Variants in DPY19L4 observed in about 807,000 individuals in gnomAD.
DPY19L4 encodes dpy-19 like 4, also known as probable C-mannosyltransferase DPY19L4.
A neutral mutation model predicts 102.8 loss-of-function variants in DPY19L4; 97 were observed. That is an observed-to-expected ratio of 0.94 (90% confidence interval 0.80 to 1.12). DPY19L4 has a LOEUF of 1.12. Ranked by LOEUF, DPY19L4 falls within the 50% of genes most tolerant of loss-of-function variation. The pLI is 0.00. For missense variants in DPY19L4, 815 were observed against 850.4 expected, an observed-to-expected ratio of 0.96 and a Z score of 0.52; for synonymous variants, 252 against 283.1, an observed-to-expected ratio of 0.89 and a Z score of 1.10.
In DPY19L4 at chr8:94,770,435, A is replaced by G. The variant is rs1812873838; in HGVS notation, c.1335-17A>G. On this transcript the variant is annotated splice_polypyrimidine_tract_variant and intron_variant, in intron 12 of 18. Transcript: ENST00000414645. The stretch of plus-strand genomic sequence containing the variant: ...ATACATTTTCAAAGTATTAAAAAAT[A>G]CATTTTCTTTTTGTAGTGGTAAGTC... 11 of 1,594,338 alleles carry G rather than the reference A, an allele frequency of 6.9e-6. No homozygotes were observed. The highest frequency in any genetic ancestry group is 3.3e-4 in the Middle Eastern group (2 of 5,978).
chr8:94,728,162 A>G (rs35400084), intron 2 of DPY19L4, among the ~76,000 whole-genome samples: 1 of 152,092 alleles, frequency 6.6e-6, no homozygotes, highest in Non-Finnish European at 1.5e-5. Flanking sequence ...GGGTTTCACC[A>G]TGTTGGCCAG....
At chr8:94,764,770 C>G (rs1812593135) in intron 8 of DPY19L4, among the ~76,000 whole-genome samples, 1 of 121,082 alleles carries the variant, frequency 8.3e-6, no homozygotes, top group Non-Finnish European at 1.6e-5. Flanking sequence ...TGTGCTGTTG[C>G]CCAGGCTGGA....
intron 7 of DPY19L4, among the ~76,000 whole-genome samples, chr8:94,759,195 T>C (rs1259884403): frequency 6.6e-6 from 1 of 152,202 alleles, no homozygotes; most frequent in Non-Finnish European, 1.5e-5. Flanking sequence ...GGTTTGCCAC[T>C]GCTGGCTGGG....
rs574692817 is a variant in DPY19L4 at position 94,773,217 on chromosome 8, A to G, written c.1454+2646A>G. On this transcript the variant is annotated intron_variant, in intron 13 of 18. Transcript: ENST00000414645. Reference sequence around the variant, plus strand: ...CAACAGGGTGAGACTCCGTATCAAAAAAAAAAAAAAAAAAGGCAATATATG... The same window carrying G: ...CAACAGGGTGAGACTCCGTATCAAAGAAAAAAAAAAAAAAGGCAATATATG... Among the ~76,000 whole-genome samples the G allele has an allele frequency of 2.9e-3, 431 of 151,172 alleles. 5 individuals are homozygous for G. The highest frequency in any genetic ancestry group is 0.02 in the Admixed American group (297 of 15,192).
intron 8 of DPY19L4, among the ~76,000 whole-genome samples, 191 bp downstream of exon 8, chr8:94,762,025 G>A (rs1035607985): frequency 6.6e-5 from 10 of 152,184 alleles, no homozygotes; most frequent in African/African-American, 1.4e-4. Context: ...CTTGCTAAAC[G>A]AAAGGGTGAT....
chr8:94,773,077 G>T (rs1812999690), intron 13 of DPY19L4, among the ~76,000 whole-genome samples: 1 of 151,920 alleles, frequency 6.6e-6, no homozygotes, highest in African/African-American at 2.4e-5. Flanking sequence ...AGCTGGGTGT[G>T]GTGGCAGGCA....
intron 1 of DPY19L4, among the ~76,000 whole-genome samples, chr8:94,725,658 T>C (rs1282483253): frequency 6.6e-6 from 1 of 152,072 alleles, no homozygotes; most frequent in Non-Finnish European, 1.5e-5. Context: ...TTTTTTGAGA[T>C]AGAGTCTCGC....
chr8:94,764,757 T>C (rs1453860898), intron 8 of DPY19L4, among the ~76,000 whole-genome samples: 1 of 125,992 alleles, frequency 7.9e-6, no homozygotes, highest in African/African-American at 3.1e-5. Flanking sequence ...TGAGACAGAG[T>C]CTTGTGCTGT....
intron 2 of DPY19L4, among the ~76,000 whole-genome samples, chr8:94,729,130 G>A (rs911663188): frequency 5.3e-5 from 8 of 152,124 alleles, no homozygotes; most frequent in Non-Finnish European, 1.2e-4. Context: ...CAGCACTTTG[G>A]GAGGACGAGG....
intron 6 of DPY19L4, among the ~76,000 whole-genome samples, chr8:94,751,709 C>G (rs770531844): frequency 7.2e-5 from 11 of 152,118 alleles, no homozygotes; most frequent in Middle Eastern, 3.4e-3. Flanking sequence ...AGGCTGATCT[C>G]GAACTCCTGG....
At chr8:94,734,779 A>G (rs1312460504) in intron 3 of DPY19L4, 25 bp downstream of exon 3, 1 of 1,612,542 alleles carries the variant, frequency 6.2e-7, no homozygotes, top group Admixed American at 1.7e-5. Context: ...TTTTGAGCAT[A>G]TGAAAGTTAT....
intron 7 of DPY19L4, among the ~76,000 whole-genome samples, chr8:94,757,710 A>G (rs561364065): frequency 2.1e-4 from 32 of 152,018 alleles, no homozygotes; most frequent in African/African-American, 6.5e-4. Flanking sequence ...GCGCCTGGCC[A>G]AGAGTATATT....
At chr8:94,768,906 G>A (rs1282510275) in intron 12 of DPY19L4, among the ~76,000 whole-genome samples, 5 of 151,022 alleles carry the variant, frequency 3.3e-5, no homozygotes, top group Non-Finnish European at 5.9e-5. Context: ...CCAGCTACTC[G>A]GGAAGCTGAG....
At chr8:94,729,044 T>C (rs968302743) in intron 2 of DPY19L4, among the ~76,000 whole-genome samples, 22 of 149,600 alleles carry the variant, frequency 1.5e-4, no homozygotes, top group Admixed American at 1.5e-3. Flanking sequence ...AAGAAAAAGC[T>C]GTTTGTCTTT....
chr8:94,765,649 C>G, intron 9 of DPY19L4, 62 bp from the exon 10 acceptor site: 9 of 1,277,332 alleles, frequency 7.0e-6, no homozygotes, highest in Non-Finnish European at 1.0e-5. Flanking sequence ...CTTATGATTA[C>G]TTTTTAAATT....
rs184814974 is a variant in DPY19L4 at position 94,750,933 on chromosome 8, A to T, written c.612-5103A>T. ...GAGTAGCTGGGGTTATAGACGTGCC[A>T]CCATGCCTGGCTAATTTTTATGTTT... On this transcript the variant is annotated intron_variant, in intron 6 of 18. Transcript: ENST00000414645. Among the ~76,000 whole-genome samples, 742 of 147,058 alleles carry T rather than the reference A, an allele frequency of 5.0e-3. 5 individuals carry two copies. The highest frequency in any genetic ancestry group is 0.014 in the Middle Eastern group (4 of 276).
At chr8:94,753,084 G>A (rs890204787) in intron 6 of DPY19L4, among the ~76,000 whole-genome samples, 11 of 150,520 alleles carry the variant, frequency 7.3e-5, no homozygotes, top group African/African-American at 2.4e-4. Context: ...TTATCGTACT[G>A]TACTGGCTAA....
At chr8:94,769,698 GA>G (rs960089469) in intron 12 of DPY19L4, among the ~76,000 whole-genome samples, 56 of 142,168 alleles carry the variant, frequency 3.9e-4, no homozygotes, top group East Asian at 2.4e-3. Flanking sequence ...TAAAGAAAAA[GA>G]AAAAAAAAAG....
intron 6 of DPY19L4, among the ~76,000 whole-genome samples, chr8:94,751,695 GC>G (rs1811937509): frequency 6.6e-6 from 1 of 151,682 alleles, no homozygotes; most frequent in African/African-American, 2.4e-5. Context: ...TCACCATGTT[GC>G]CCAGGCTGAT....
Sources: allele counts gnomAD v4.1 joint callset (sites outside exome capture counted in the v4.1 genomes callset), GRCh38; gene constraint gnomAD v4.1.1; transcripts MANE v1.5; gene names NCBI Gene and HGNC (gene_info 2026-07-23, HGNC 2026-07-21).